GREB1L: variants seen among roughly 807,000 people sequenced by gnomAD.
GREB1L encodes GREB1 like retinoic acid receptor coactivator, also known as GREB1-like protein.
A neutral mutation model predicts 200.8 loss-of-function variants in GREB1L; 17 were observed. That is an observed-to-expected ratio of 0.08 (90% confidence interval 0.06 to 0.13). The LOEUF is 0.13. Ranked by LOEUF, GREB1L falls within the 10% of genes least tolerant of loss-of-function variation. GREB1L has a pLI of 1.00. For missense variants in GREB1L, 1,657 were observed against 2,367.7 expected (o/e 0.70, Z 6.23); for synonymous variants, 789 against 893.0 (o/e 0.88, Z 2.08).
intron 1 of GREB1L, among the ~76,000 whole-genome samples, chr18:21,251,824 A>T (rs1158182401): frequency 1.3e-5 from 2 of 152,086 alleles, no homozygotes; most frequent in Non-Finnish European, 2.9e-5. Context: ...GCATGCCTGT[A>T]ATCCCAGCTA....
intron 1 of GREB1L, among the ~76,000 whole-genome samples, chr18:21,350,720 G>A (rs970084950): frequency 2.0e-5 from 3 of 152,086 alleles, no homozygotes; most frequent in African/African-American, 4.8e-5. Flanking sequence ...CAGCACAGAC[G>A]ATAGGAAACA....
intron 6 of GREB1L, among the ~76,000 whole-genome samples, chr18:21,403,298 T>G (rs1342087050): frequency 1.3e-5 from 2 of 152,216 alleles, no homozygotes; most frequent in Non-Finnish European, 2.9e-5. Flanking sequence ...GCTTGGCATA[T>G]CATGATCCGT....
chr18:21,522,898 C>G lies in GREB1L; in HGVS notation c.*77C>G. 7.6e-7 allele frequency: 1 copy of G among 1,320,758 alleles called. No homozygotes were observed. Among genetic ancestry groups the G allele is most frequent in the Non-Finnish European group, 1.0e-6 (1 of 978,872 alleles). 81.8% of individuals were successfully genotyped at this position (1,320,758 alleles called of 1,614,324 possible). On this transcript the variant is annotated 3_prime_UTR_variant, in exon 33 of 33. Coordinates refer to ENST00000424526, the MANE Select transcript of GREB1L (RefSeq NM_001142966.3). Reference sequence around the variant, plus strand: ...AAACAATTTGGGATTTTTCTTTTTCCTTTAAAGTACAATCACTGTGGAGCA... The same window carrying G: ...AAACAATTTGGGATTTTTCTTTTTCGTTTAAAGTACAATCACTGTGGAGCA...
chr18:21,464,928 T>C (rs2035208098), intron 15 of GREB1L, among the ~76,000 whole-genome samples: 1 of 152,226 alleles, frequency 6.6e-6, no homozygotes, highest in South Asian at 2.1e-4. Context: ...TTGGTTATTT[T>C]AAACATGGAG....
intron 4 of GREB1L, among the ~76,000 whole-genome samples, chr18:21,391,528 GTTAATTAGGAGT>G (rs2040806054): frequency 6.6e-6 from 1 of 152,228 alleles, no homozygotes; most frequent in Non-Finnish European, 1.5e-5. Flanking sequence ...CAAAGGAGCA[GTTAATTAGGAGT>G]TAAGAGACCT....
At chr18:21,333,918 G>A (rs1247198059) in intron 1 of GREB1L, among the ~76,000 whole-genome samples, 1 of 151,810 alleles carries the variant, frequency 6.6e-6, no homozygotes. Context: ...GGAGGTTGAG[G>A]CTGCAGTGAG....
intron 2 of GREB1L, among the ~76,000 whole-genome samples, chr18:21,377,502 A>G (rs2040120120): frequency 6.6e-6 from 1 of 152,162 alleles, no homozygotes; most frequent in Non-Finnish European, 1.5e-5. Context: ...GAGGTCGGGT[A>G]CAGTGGCTCA....
In GREB1L at chr18:21,384,306, G is replaced by A; in HGVS notation, c.258G>A (p.Met86Ile). ...DFSNNLTVNE[M>I]EDDEDDEEMS... ...CTAACAATCTAACAGTTAATGAAATGGAAGATGATGAAGACGATGAAGAAA... is the reference window on the plus strand; with the variant it reads ...CTAACAATCTAACAGTTAATGAAATAGAAGATGATGAAGACGATGAAGAAA... The change falls in exon 4 of 33, where the codon ATG (methionine) becomes ATA (isoleucine). Residue 86 changes from methionine to isoleucine, a missense_variant. This residue lies in a region of GREB1L where 121 missense variants were observed against 126.6 expected (regional missense o/e 0.96). Transcript: ENST00000424526. 6.4e-7 allele frequency: 1 copy of A among 1,551,194 alleles called. No homozygotes were observed. Among genetic ancestry groups the A allele is most frequent in the African/African-American group, 1.4e-5 (1 of 73,156 alleles).
chr18:21,348,936 C>A (rs935539433), intron 1 of GREB1L, among the ~76,000 whole-genome samples: 3 of 152,168 alleles, frequency 2.0e-5, no homozygotes, highest in African/African-American at 7.2e-5. Flanking sequence ...CAGAGTGAGA[C>A]CCTGTCTTAA....
chr18:21,299,531 T>TTTTC (rs964513064), intron 1 of GREB1L, among the ~76,000 whole-genome samples: 3 of 151,680 alleles, frequency 2.0e-5, no homozygotes, highest in East Asian at 1.9e-4. Context: ...CTTTTTTTTT[T>TTTTC]TTTCTTTCTT....
chr18:21,415,806 C>G (rs1272797196), intron 7 of GREB1L, among the ~76,000 whole-genome samples: 1 of 152,126 alleles, frequency 6.6e-6, no homozygotes, highest in Non-Finnish European at 1.5e-5. Flanking sequence ...CCAGTACTGC[C>G]TAAAATATCA....
intron 10 of GREB1L, among the ~76,000 whole-genome samples, chr18:21,441,889 G>A (rs2033923616): frequency 6.6e-6 from 1 of 152,212 alleles, no homozygotes; most frequent in African/African-American, 2.4e-5. Flanking sequence ...AGAGCTCTGA[G>A]AGAGGGCTTA....
intron 1 of GREB1L, among the ~76,000 whole-genome samples, chr18:21,340,574 GCT>G (rs1176801047): frequency 6.7e-6 from 1 of 149,188 alleles, no homozygotes; most frequent in Non-Finnish European, 1.5e-5. Flanking sequence ...ACGGAGTCTT[GCT>G]CTGTCGCCCA....
chr18:21,336,224 T>G (rs1407527005), intron 1 of GREB1L, among the ~76,000 whole-genome samples: 3 of 152,198 alleles, frequency 2.0e-5, no homozygotes, highest in African/African-American at 7.2e-5. Context: ...TAGTATGGAA[T>G]GGGAAGCAAC....
intron 1 of GREB1L, among the ~76,000 whole-genome samples, chr18:21,281,474 A>G (rs1250105833): frequency 2.6e-5 from 4 of 152,210 alleles, no homozygotes; most frequent in Admixed American, 2.6e-4. Context: ...ATGCATTTGT[A>G]CAATCTGCCA....
chr18:21,384,564 C>T (rs890902907), intron 4 of GREB1L, among the ~76,000 whole-genome samples, 161 bp downstream of exon 4: 7 of 152,154 alleles, frequency 4.6e-5, no homozygotes, highest in African/African-American at 1.4e-4. Flanking sequence ...CCTGTGACTT[C>T]ACAACAGATG....
At chr18:21,391,884 A>C (rs991350351) in intron 4 of GREB1L, among the ~76,000 whole-genome samples, 1 of 152,176 alleles carries the variant, frequency 6.6e-6, no homozygotes, top group Non-Finnish European at 1.5e-5. Context: ...ATCTCGGCTC[A>C]CTGCAACCTC....
intron 7 of GREB1L, among the ~76,000 whole-genome samples, chr18:21,439,217 A>G (rs1481197918): frequency 6.6e-6 from 1 of 152,130 alleles, no homozygotes; most frequent in East Asian, 1.9e-4. Context: ...TCCATGATGC[A>G]AAGTTAAGAA....
At chr18:21,335,680 T>C (rs953974655) in intron 1 of GREB1L, among the ~76,000 whole-genome samples, 7 of 151,522 alleles carry the variant, frequency 4.6e-5, no homozygotes, top group South Asian at 2.1e-4. Context: ...TTTTTTTTTT[T>C]CGAGACAGAG....
Sources: gnomAD v4.1 joint callset for allele counts (sites outside exome capture counted in the v4.1 genomes callset) on GRCh38, gnomAD v4.1.1 for gene constraint, gnomAD v4.1.1 regional missense constraint, MANE v1.5 for transcripts, NCBI Gene and HGNC (gene_info 2026-07-23, HGNC 2026-07-21) for gene names.